The following NEO1 variants were observed in gnomAD, a reference collection of about 807,000 sequenced individuals.
NEO1 encodes the protein neogenin 1.
In NEO1, 63 loss-of-function variants were observed where a neutral mutation model predicts 159.7. That is an observed-to-expected ratio of 0.39 (90% CI 0.32 to 0.49). The LOEUF is 0.49. Among genes scored for constraint, NEO1 ranks in the 20% least tolerant of loss-of-function variants. The probability of loss-of-function intolerance (pLI) is 0.85; values close to 1 mark genes in which losing one functional copy is unlikely to be tolerated. For synonymous variants in NEO1, 633 were observed against 662.0 expected, an observed-to-expected ratio of 0.96 and a Z score of 0.67; for missense variants, 1,615 against 1,831.0, an observed-to-expected ratio of 0.88 and a Z score of 2.15.
chr15:73,236,564 A>G lies in NEO1; in HGVS notation c.1451+58A>G. ...GCCTCTTGGTCACGGCAGCCTTGTC[A>G]TGCTCACCCTGGCTCTTGGTATCTG... On this transcript the variant is annotated intron_variant, in intron 8 of 28. Coordinates refer to ENST00000261908, the MANE Select transcript of NEO1 (RefSeq NM_002499.4). 5 of 1,500,112 alleles carry G rather than the reference A, an allele frequency of 3.3e-6. No homozygotes were observed. The South Asian group carries it at 4.6e-5, about 14-fold the overall frequency. 92.9% of individuals were successfully genotyped at this position (1,500,112 alleles called of 1,614,324 possible).
In NEO1 at chr15:73,249,716, C is replaced by T; in HGVS notation, c.1889C>T (p.Ser630Leu). Residue 630 changes from serine to leucine, a missense_variant, in exon 11 of 29, where the codon TCA becomes TTA. Around this residue, in one of 3 missense-constraint regions of NEO1, gnomAD observed 1,018 missense variants for 1,115.4 expected, o/e 0.91. Transcript: ENST00000261908. ...STPDVAVRTL[S>L]DVPSAAPQNL... ...CCAGATGTTGCTGTTCGAACATTGTCAGATGGTGAGTCTTTCTTCCTCTGG... is the reference window on the plus strand; with the variant it reads ...CCAGATGTTGCTGTTCGAACATTGTTAGATGGTGAGTCTTTCTTCCTCTGG... 1 of 1,608,912 alleles carries T rather than the reference C, an allele frequency of 6.2e-7. No homozygotes were observed.
chr15:73,280,574 C>CT (rs1322516475), intron 22 of NEO1, among the ~76,000 whole-genome samples: 1 of 152,152 alleles, frequency 6.6e-6, no homozygotes, highest in African/African-American at 2.4e-5. Context: ...TTCAGCACTG[C>CT]TATTAATAAC....
intron 25 of NEO1, 86 bp from the exon 26 acceptor site, chr15:73,293,304 A>G: frequency 6.6e-7 from 1 of 1,517,354 alleles, no homozygotes; most frequent in Non-Finnish European, 9.1e-7. Context: ...GGGAGGTGGG[A>G]AGGGGGTGAC....
At chr15:73,254,594 T>TAAACAGTAAAATCAGGATAAAAATATTTA in intron 12 of NEO1, 88 bp from the exon 13 acceptor site, 1 of 1,389,648 alleles carries the variant, frequency 7.2e-7, no homozygotes, top group Non-Finnish European at 9.6e-7. Flanking sequence ...TTTTTCTCTT[T>TAAACAGTAAAATCAGGATAAAAATATTTA]AAACAGTAAA....
At chr15:73,160,377 AACAGTACTACTTACTAAAT>A (rs1282262454) in intron 5 of NEO1, among the ~76,000 whole-genome samples, 1 of 152,114 alleles carries the variant, frequency 6.6e-6, no homozygotes, top group African/African-American at 2.4e-5. Flanking sequence ...TTCTAATAGA[AACAGTACTACTTACTAAAT>A]ACCGAGTTTA....
intron 25 of NEO1, among the ~76,000 whole-genome samples, chr15:73,291,031 A>G (rs1336790684): frequency 6.6e-6 from 1 of 152,216 alleles, no homozygotes; most frequent in Non-Finnish European, 1.5e-5. Context: ...AGCTCAAAGT[A>G]GCTTATGCTT....
intron 3 of NEO1, 121 bp downstream of exon 3, chr15:73,122,921 G>A: frequency 8.1e-7 from 1 of 1,237,700 alleles, no homozygotes; most frequent in Non-Finnish European, 1.1e-6. Flanking sequence ...TGTAATCCCA[G>A]CACTTTGGGA....
intron 1 of NEO1, among the ~76,000 whole-genome samples, chr15:73,094,519 C>A (rs1221461782): frequency 6.6e-6 from 1 of 152,150 alleles, no homozygotes; most frequent in Non-Finnish European, 1.5e-5. Flanking sequence ...ATGAATAATG[C>A]TGCAATGTAT....
chr15:73,055,254 C>T (rs2067643559), intron 1 of NEO1, among the ~76,000 whole-genome samples: 1 of 152,188 alleles, frequency 6.6e-6, no homozygotes, highest in South Asian at 2.1e-4. Flanking sequence ...AGTGAACATT[C>T]TTCACCGAGG....
chr15:73,300,263 T>G (rs899391456), intron 27 of NEO1, among the ~76,000 whole-genome samples: 2 of 152,232 alleles, frequency 1.3e-5, no homozygotes, highest in African/African-American at 4.8e-5. Context: ...AAACTTAAAT[T>G]TTATCATTGG....
At chr15:73,093,910 T>C (rs1384121631) in intron 1 of NEO1, among the ~76,000 whole-genome samples, 2 of 152,152 alleles carry the variant, frequency 1.3e-5, no homozygotes, top group African/African-American at 4.8e-5. Flanking sequence ...CGGTGTCTCA[T>C]TGACATACCT....
At chr15:73,078,828 G>T (rs2068903018) in intron 1 of NEO1, among the ~76,000 whole-genome samples, 1 of 152,196 alleles carries the variant, frequency 6.6e-6, no homozygotes. Flanking sequence ...CATGTGTAAA[G>T]CACTGTGTGC....
At chr15:73,248,645 T>G (rs2039921553) in intron 9 of NEO1, among the ~76,000 whole-genome samples, 1 of 152,222 alleles carries the variant, frequency 6.6e-6, no homozygotes, top group Admixed American at 6.5e-5. Context: ...CTAAATCTGT[T>G]AGCACTTACG....
chr15:73,196,619 A>C (rs917571967), intron 7 of NEO1, among the ~76,000 whole-genome samples: 3 of 152,200 alleles, frequency 2.0e-5, no homozygotes, highest in African/African-American at 7.2e-5. Context: ...CTATTCATCA[A>C]CCATGCTCAT....
rs1324014767 is a variant in NEO1 at position 73,245,379 on chromosome 15, T to A, written c.1606+881T>A. Among the ~76,000 whole-genome samples the A allele has an allele frequency of 3.3e-5, 5 of 152,210 alleles. No individual in the cohort carries two copies. The East Asian group carries it at 9.6e-4, about 29-fold the overall frequency. On this transcript the variant is annotated intron_variant, in intron 9 of 28. Transcript: ENST00000261908. ...ATAGGGTTACTTCTAATTACATTTC[T>A]AAGATTTTCAGTGACGTGAGTGTCA...
chr15:73,104,561 G>T (rs1380484914), intron 1 of NEO1, among the ~76,000 whole-genome samples: 2 of 152,194 alleles, frequency 1.3e-5, no homozygotes, highest in Non-Finnish European at 2.9e-5. Context: ...AGCCATTGAT[G>T]CTAAAATTAG....
At chr15:73,094,109 C>T (rs2069861267) in intron 1 of NEO1, among the ~76,000 whole-genome samples, 1 of 152,044 alleles carries the variant, frequency 6.6e-6, no homozygotes, top group African/African-American at 2.4e-5. Flanking sequence ...TATAATCCAC[C>T]TATTTAAAAT....
At chr15:73,297,491 A>G (rs951270394) in intron 26 of NEO1, among the ~76,000 whole-genome samples, 2 of 152,148 alleles carry the variant, frequency 1.3e-5, no homozygotes, top group African/African-American at 4.8e-5. Context: ...ATTATGTGTT[A>G]TTCTCCCTCT....
At chr15:73,292,177 T>A (rs2042187798) in intron 25 of NEO1, among the ~76,000 whole-genome samples, 1 of 152,192 alleles carries the variant, frequency 6.6e-6, no homozygotes, top group South Asian at 2.1e-4. Context: ...CTTGCTTGCA[T>A]GTGGCCAGGA....
Sources: allele counts gnomAD v4.1 joint callset (sites outside exome capture counted in the v4.1 genomes callset), GRCh38; gene constraint gnomAD v4.1.1; regional missense constraint gnomAD v4.1.1; transcripts MANE v1.5; gene names NCBI Gene and HGNC (gene_info 2026-07-23, HGNC 2026-07-21).